The following SYNE1 variants were observed in gnomAD, a reference collection of about 807,000 sequenced individuals.
SYNE1 encodes spectrin repeat containing nuclear envelope protein 1.
Under a neutral mutation model 1,111.0 loss-of-function variants are expected in SYNE1, and 616 were observed. That is an observed-to-expected ratio of 0.55 (90% CI 0.52 to 0.59). SYNE1 has a LOEUF of 0.59. Ranked by LOEUF, SYNE1 falls within the 20% of genes least tolerant of loss-of-function variation. The pLI, the probability that SYNE1 is intolerant of heterozygous loss-of-function variation, is 0.00. For synonymous variants in SYNE1, 3,855 were observed against 3,825.8 expected (o/e 1.01, Z -0.28); for missense variants, 10,006 against 10,417.0 (o/e 0.96, Z 1.72).
In SYNE1 at chr6:152,255,587, C is replaced by G; in HGVS notation, c.19260+4G>C. On this transcript the variant is annotated splice_donor_region_variant and intron_variant, in intron 103 of 145. Transcript: ENST00000367255. ...CACACACAGGCAGGAACTACTAAAC[C>G]TACCTCTTGGTTGAAGAGACAAGTC... is the stretch of plus-strand genomic sequence containing the variant. The G allele has an allele frequency of 1.2e-6, 2 of 1,614,154 alleles. No individual in the cohort carries two copies. The highest frequency in any genetic ancestry group is 1.7e-6 in the Non-Finnish European group (2 of 1,180,022).
chr6:152,426,251 C>T (rs1282600842), intron 38 of SYNE1, among the ~76,000 whole-genome samples: 5 of 152,198 alleles, frequency 3.3e-5, no homozygotes, highest in African/African-American at 1.2e-4. Context: ...ATAGTAGATA[C>T]TTGTCAAAAT....
intron 3 of SYNE1, among the ~76,000 whole-genome samples, chr6:152,556,862 A>T (rs946827579): frequency 6.6e-6 from 1 of 152,204 alleles, no homozygotes; most frequent in Non-Finnish European, 1.5e-5. Flanking sequence ...TATGTCTTCA[A>T]ATGCATAGGC....
At chr6:152,352,904 G>A (rs2096767161) in intron 69 of SYNE1, among the ~76,000 whole-genome samples, 1 of 152,114 alleles carries the variant, frequency 6.6e-6, no homozygotes, top group South Asian at 2.1e-4. Flanking sequence ...AGAACTTGAT[G>A]TTTCTCTCAT....
intron 33 of SYNE1, 171 bp downstream of exon 33, chr6:152,435,770 G>T: frequency 5.1e-6 from 4 of 780,194 alleles, no homozygotes; most frequent in South Asian, 1.8e-5. Flanking sequence ...TATAGATATT[G>T]GTTTCTGTAT....
chr6:152,156,083 G>C lies in SYNE1; in HGVS notation c.23805C>G (p.Asp7935Glu). 1 of 1,614,160 alleles carries C rather than the reference G, an allele frequency of 6.2e-7. No individual in the cohort carries two copies. The highest frequency in any genetic ancestry group is 8.5e-7 in the Non-Finnish European group (1 of 1,180,036). Residue 7935 changes from aspartate (D) to glutamate (E), a missense_variant, in exon 132 of 146, where the codon GAC (aspartate) becomes GAG (glutamate). By Grantham distance (45) the Asp-to-Glu change is conservative. Coordinates refer to ENST00000367255, the MANE Select transcript of SYNE1 (RefSeq NM_182961.4). ...CAACACCTGTACTGTGCTTCTCTAT[G>C]TCTCTCTGAAGCTCCTGCAGGGGAA... ...KLNEQQELQR[D>E]IEKHSTGVAS...
chr6:152,160,622 C>T (rs2062287858), intron 131 of SYNE1, among the ~76,000 whole-genome samples: 1 of 152,138 alleles, frequency 6.6e-6, no homozygotes, highest in African/African-American at 2.4e-5. Context: ...CTCTCACTTT[C>T]ATGTATGCAG....
intron 32 of SYNE1, among the ~76,000 whole-genome samples, chr6:152,439,419 G>T (rs1163391157): frequency 2.0e-5 from 3 of 152,104 alleles, no homozygotes; most frequent in Non-Finnish European, 4.4e-5. Context: ...AAATAGAGAT[G>T]GGGTATTGCT....
chr6:152,536,412 A>AT (rs2099241011), intron 4 of SYNE1, among the ~76,000 whole-genome samples: 1 of 79,854 alleles, frequency 1.3e-5, no homozygotes, highest in African/African-American at 3.3e-5. Context: ...TATATATAGT[A>AT]ATATATATAT....
chr6:152,523,391 C>G (rs1193238562), intron 5 of SYNE1, among the ~76,000 whole-genome samples: 1 of 152,108 alleles, frequency 6.6e-6, no homozygotes, highest in Non-Finnish European at 1.5e-5. Context: ...TCTGAGTTCT[C>G]TATTCTGTTC....
chr6:152,130,357 A>G (rs1280673032), intron 145 of SYNE1, among the ~76,000 whole-genome samples: 1 of 152,222 alleles, frequency 6.6e-6, no homozygotes, highest in Non-Finnish European at 1.5e-5. Context: ...TCACTGATCG[A>G]TTACCTGTCT....
At chr6:152,443,598 T>C (rs777548348) in intron 30 of SYNE1, among the ~76,000 whole-genome samples, 7 of 152,184 alleles carry the variant, frequency 4.6e-5, no homozygotes, top group Non-Finnish European at 8.8e-5. Context: ...TAAGTAAATC[T>C]AGAAATCCTG....
Position 152,453,727 on chromosome 6 carries a change from T to C in SYNE1, c.2893-7A>G, listed in dbSNP as rs779062326. On this transcript the variant is annotated splice_polypyrimidine_tract_variant and splice_region_variant and intron_variant, in intron 24 of 145. Transcript: ENST00000367255. ...CCAGCTGACTGAAAAACTCCTGACATGGAAGGGGAAAGTGGGTAAGAGTGT... is the reference window on the plus strand; with the variant it reads ...CCAGCTGACTGAAAAACTCCTGACACGGAAGGGGAAAGTGGGTAAGAGTGT... 1 of 1,614,078 alleles carries C rather than the reference T, an allele frequency of 6.2e-7. No individual in the cohort carries two copies. Among genetic ancestry groups the C allele is most frequent in the South Asian group, 1.1e-5 (1 of 91,066 alleles).
intron 95 of SYNE1, among the ~76,000 whole-genome samples, chr6:152,287,054 T>C (rs1392581621): frequency 6.6e-6 from 1 of 152,246 alleles, no homozygotes; most frequent in African/African-American, 2.4e-5. Flanking sequence ...GAAACTTTTA[T>C]AGTAATTTGA....
chr6:152,195,502 A>C (rs2073867084), intron 127 of SYNE1, among the ~76,000 whole-genome samples: 1 of 150,526 alleles, frequency 6.6e-6, no homozygotes, highest in Non-Finnish European at 1.5e-5. Flanking sequence ...CTGCAGTCAA[A>C]TCTGCATCAT....
Position 152,164,342 on chromosome 6 carries a change from G to A in SYNE1, c.23628-17C>T. 1 of 1,613,902 alleles carries A rather than the reference G, an allele frequency of 6.2e-7. No homozygotes were observed. The highest frequency in any genetic ancestry group is 1.1e-5 in the South Asian group (1 of 91,064). On this transcript the variant is annotated splice_polypyrimidine_tract_variant and intron_variant, in intron 130 of 145. Transcript: ENST00000367255. Reference sequence around the variant, plus strand: ...TTCTTCACCCTGTGGGCAGAGAAGGGGGAATGTCCCACTTCAGCGAGAGGC... The same window carrying A: ...TTCTTCACCCTGTGGGCAGAGAAGGAGGAATGTCCCACTTCAGCGAGAGGC...
intron 73 of SYNE1, among the ~76,000 whole-genome samples, chr6:152,344,513 C>T (rs2096596819): frequency 6.6e-6 from 1 of 152,160 alleles, no homozygotes; most frequent in Non-Finnish European, 1.5e-5. Flanking sequence ...TGCTAGAATA[C>T]ATAAAATCAT....
At chr6:152,336,150 T>TA (rs1229664833) in intron 76 of SYNE1, 1 of 151,238 alleles carries the variant, frequency 6.6e-6, no homozygotes, top group Non-Finnish European at 1.5e-5. Context: ...GATGAAAATC[T>TA]AAAAAAAGAA....
Position 152,433,875 on chromosome 6 carries a change from A to G in SYNE1, c.4381T>C (p.Trp1461Arg). 2 of 1,613,868 alleles carry G rather than the reference A, an allele frequency of 1.2e-6. No individual in the cohort carries two copies. The highest frequency in any genetic ancestry group is 1.7e-6 in the Non-Finnish European group (2 of 1,179,824). ...FGSNFETLSV[W>R]ITEKEKELNA... Reference sequence around the variant, plus strand: ...AGTTCTTTTTCTTTCTCAGTTATCCAGACGGACAGAGTCTCAAAATTACTG... The same window carrying G: ...AGTTCTTTTTCTTTCTCAGTTATCCGGACGGACAGAGTCTCAAAATTACTG... Residue 1461 changes from tryptophan to arginine, a missense_variant, in exon 34 of 146, where the codon TGG becomes CGG. By Grantham distance (101) the Trp-to-Arg change is moderately radical. Around this residue, in one of 7 missense-constraint regions of SYNE1, gnomAD observed 1,971 missense variants for 2,084.1 expected, o/e 0.95. Coordinates refer to ENST00000367255, the MANE Select transcript of SYNE1 (RefSeq NM_182961.4).
chr6:152,335,290 T>C lies in SYNE1; in HGVS notation c.12529-1017A>G, dbSNP rs187793115. ...GTTAACAAGAGTATCATCTTGAATG[T>C]TTTTATTATGTGTATATCTAAAACA... On this transcript the variant is annotated intron_variant, in intron 76 of 145. Coordinates refer to ENST00000367255, the MANE Select transcript of SYNE1 (RefSeq NM_182961.4). 24 of 152,344 alleles carry C rather than the reference T, an allele frequency of 1.6e-4. No homozygotes were observed. The East Asian group carries it at 4.4e-3, about 28-fold the overall frequency. The allele number at this position is 152,344 out of a possible 1,614,324, so 9.4% of individuals were successfully genotyped here.
Sources: allele counts gnomAD v4.1 joint callset (sites outside exome capture counted in the v4.1 genomes callset), GRCh38; gene constraint gnomAD v4.1.1; regional missense constraint gnomAD v4.1.1; transcripts MANE v1.5; gene names NCBI Gene and HGNC (gene_info 2026-07-23, HGNC 2026-07-21).